The following WDFY2 variants were observed in gnomAD, a reference collection of about 807,000 sequenced individuals.
WDFY2 encodes the protein WD repeat and FYVE domain containing 2.
In WDFY2, 36 loss-of-function variants were observed where a neutral mutation model predicts 56.4. That is an observed-to-expected ratio of 0.64 (90% CI 0.49 to 0.84). WDFY2 has a LOEUF of 0.84. Among genes scored for constraint, WDFY2 ranks in the 40% least tolerant of loss-of-function variants. The pLI is 0.00. For synonymous variants in WDFY2, 176 were observed against 183.7 expected, an observed-to-expected ratio of 0.96 and a Z score of 0.34; for missense variants, 444 against 512.2, an observed-to-expected ratio of 0.87 and a Z score of 1.29.
chr13:51,661,995 G>T (rs961181426), intron 2 of WDFY2, among the ~76,000 whole-genome samples: 2 of 151,824 alleles, frequency 1.3e-5, no homozygotes, highest in African/African-American at 4.8e-5. Context: ...TTTTGAGATG[G>T]AGTCTCCCTC....
chr13:51,758,417 GGCATGTGTCTGTAGTCCCA>G, intron 11 of WDFY2, 117 bp downstream of exon 11: 2 of 632,708 alleles, frequency 3.2e-6, no homozygotes, highest in Non-Finnish European at 5.2e-6. Context: ...CGGCCATGGT[GGCATGTGTCTGTAGTCCCA>G]GCTACTCAGG....
At position 51,653,283 on chromosome 13, in the gene WDFY2, G is replaced by A. The variant is rs146941353; in HGVS notation, c.138-7313G>A. On this transcript the variant is annotated intron_variant, in intron 1 of 11. Transcript: ENST00000298125. ...GGTCCTTTAAGGACTACTCTGCATT[G>A]GTTATTCTAGTTAGCCATTCGTCTA... Among the ~76,000 whole-genome samples, 488 of 152,214 alleles carry A rather than the reference G, an allele frequency of 3.2e-3. 2 individuals are homozygous for A. Among genetic ancestry groups the A allele is most frequent in the Non-Finnish European group, 5.9e-3 (404 of 68,016 alleles).
intron 1 of WDFY2, 40 bp downstream of exon 1, chr13:51,584,864 C>T: frequency 1.2e-6 from 2 of 1,607,884 alleles, no homozygotes; most frequent in Non-Finnish European, 1.7e-6. Flanking sequence ...AGGGGCGGGA[C>T]GGGCCGACGG....
At chr13:51,601,502 C>T (rs1593862035) in intron 1 of WDFY2, among the ~76,000 whole-genome samples, 2 of 152,066 alleles carry the variant, frequency 1.3e-5, no homozygotes, top group East Asian at 3.9e-4. Flanking sequence ...GCAACCTCTG[C>T]CTCCGGGGTT....
chr13:51,687,542 A>G (rs1227213697), intron 3 of WDFY2, among the ~76,000 whole-genome samples: 2 of 151,938 alleles, frequency 1.3e-5, no homozygotes, highest in South Asian at 4.2e-4. Context: ...TTTAAGGCAG[A>G]GTAACAGTCA....
intron 4 of WDFY2, among the ~76,000 whole-genome samples, chr13:51,711,667 G>A (rs992779895): frequency 1.3e-5 from 2 of 152,234 alleles, no homozygotes; most frequent in African/African-American, 4.8e-5. Flanking sequence ...AGACATTTAT[G>A]CAGCCAACAG....
intron 1 of WDFY2, among the ~76,000 whole-genome samples, chr13:51,595,608 C>T (rs578144585): frequency 5.3e-5 from 8 of 152,190 alleles, no homozygotes; most frequent in East Asian, 1.9e-4. Context: ...AAGCAGCACA[C>T]GAGACCCAGA....
intron 1 of WDFY2, among the ~76,000 whole-genome samples, chr13:51,639,960 AATT>A (rs1374711362): frequency 2.0e-5 from 3 of 152,186 alleles, no homozygotes; most frequent in East Asian, 1.9e-4. Context: ...ACTGTGTATC[AATT>A]ATTATTATTT....
chr13:51,755,268 C>A (rs576220144), intron 8 of WDFY2, 90 bp from the exon 9 acceptor site: 134 of 1,220,282 alleles, frequency 1.1e-4, no homozygotes, highest in Middle Eastern at 9.7e-4. Context: ...TAAACACATC[C>A]TGATAGCTCC....
At position 51,704,249 on chromosome 13, in the gene WDFY2, G is replaced by T. The variant is rs184820658; in HGVS notation, c.334+599G>T. On this transcript the variant is annotated intron_variant, in intron 4 of 11. Transcript: ENST00000298125. ...TACTTTAGTACCTCCAGAGACACAG[G>T]AACCATTGTGATTTTGGAAAATTCT... 9.7e-4 allele frequency among the ~76,000 whole-genome samples: 148 copies of T among 152,242 alleles called. No homozygotes were observed. The Middle Eastern group carries it at 0.01, about 10-fold the overall frequency.
intron 4 of WDFY2, among the ~76,000 whole-genome samples, chr13:51,712,238 A>G (rs1053147449): frequency 4.6e-5 from 7 of 152,198 alleles, no homozygotes; most frequent in Non-Finnish European, 8.8e-5. Context: ...ATAGGTGGGA[A>G]TTGAACAATG....
At chr13:51,730,591 C>T (rs769033966) in intron 6 of WDFY2, among the ~76,000 whole-genome samples, 30 of 152,178 alleles carry the variant, frequency 2.0e-4, no homozygotes, top group Non-Finnish European at 2.9e-4. Context: ...TCTAGTGCAT[C>T]GTGGCAAGGG....
rs1029758778 is a variant in WDFY2 at position 51,612,016 on chromosome 13, G to A, written c.137+27192G>A. On this transcript the variant is annotated intron_variant, in intron 1 of 11. Transcript: ENST00000298125. ...AGCCGTCAAATGAACCAACCCTGGA[G>A]CTGCCCTACTGCTTGACTTCTTCTT... 2.0e-5 allele frequency among the ~76,000 whole-genome samples: 3 copies of A among 152,116 alleles called. No homozygotes were observed. In the East Asian group the frequency reaches 5.8e-4, roughly 29 times the overall value.
At chr13:51,721,764 C>T (rs887619970) in intron 5 of WDFY2, among the ~76,000 whole-genome samples, 5 of 152,108 alleles carry the variant, frequency 3.3e-5, no homozygotes, top group African/African-American at 1.2e-4. Context: ...GCCATAGTTC[C>T]AACCTTTCCT....
At chr13:51,596,084 A>G (rs1954137756) in intron 1 of WDFY2, among the ~76,000 whole-genome samples, 1 of 152,198 alleles carries the variant, frequency 6.6e-6, no homozygotes, top group East Asian at 1.9e-4. Context: ...AATCTCAGTA[A>G]CCTGTTTTAG....
At chr13:51,724,103 TTGGTTGTTTTTAAATAATAATATGTTCAG>T (rs1952550151) in intron 5 of WDFY2, among the ~76,000 whole-genome samples, 1 of 152,008 alleles carries the variant, frequency 6.6e-6, no homozygotes, top group Non-Finnish European at 1.5e-5. Flanking sequence ...CTTAGGTTGG[TTGGTTGTTTTTAAATAATAATATGTTCAG>T]TATATATCAA....
At chr13:51,698,816 AAAAT>A (rs1241217563) in intron 3 of WDFY2, among the ~76,000 whole-genome samples, 1 of 152,270 alleles carries the variant, frequency 6.6e-6, no homozygotes, top group African/African-American at 2.4e-5. Context: ...TTAAGTAAAA[AAAAT>A]AAAACATTTC....
chr13:51,747,682 C>T (rs1301836049), intron 7 of WDFY2, among the ~76,000 whole-genome samples: 3 of 152,162 alleles, frequency 2.0e-5, no homozygotes, highest in East Asian at 3.9e-4. Flanking sequence ...CAGGCATGTA[C>T]CACCACATCT....
rs137932581 is a variant in WDFY2, at chr13:51,596,705, G to T, written c.137+11881G>T. On this transcript the variant is annotated intron_variant, in intron 1 of 11. Transcript: ENST00000298125. ...ATAAGACCAGAACATACACCACAACGATTTGATTGGTTACAGATTGCTACA... is the reference window on the plus strand; with the variant it reads ...ATAAGACCAGAACATACACCACAACTATTTGATTGGTTACAGATTGCTACA... 4.6e-5 allele frequency among the ~76,000 whole-genome samples: 7 copies of T among 152,242 alleles called. No individual in the cohort carries two copies. In the East Asian group the frequency reaches 1.4e-3, roughly 29 times the overall value.
Sources: allele counts gnomAD v4.1 joint callset (sites outside exome capture counted in the v4.1 genomes callset), GRCh38; gene constraint gnomAD v4.1.1; transcripts MANE v1.5; gene names NCBI Gene and HGNC (gene_info 2026-07-23, HGNC 2026-07-21).